NFIC: variants seen among roughly 807,000 people sequenced by gnomAD.
NFIC encodes nuclear factor 1 C-type.
In NFIC, 12 loss-of-function variants were observed where a neutral mutation model predicts 54.4. That is an observed-to-expected ratio of 0.22 (90% confidence interval 0.14 to 0.36). NFIC has a LOEUF of 0.36. Among genes scored for constraint, NFIC ranks in the 10% least tolerant of loss-of-function variants. The probability of loss-of-function intolerance (pLI) is 1.00; values close to 1 mark genes in which losing one functional copy is unlikely to be tolerated. For missense variants in NFIC, 575 were observed against 718.2 expected, an observed-to-expected ratio of 0.80 and a Z score of 2.28; for synonymous variants, 322 against 319.2, an observed-to-expected ratio of 1.01 and a Z score of -0.09.
intron 10 of NFIC, among the ~76,000 whole-genome samples, chr19:3,457,274 C>T (rs891146426): frequency 2.0e-5 from 3 of 152,176 alleles, no homozygotes; most frequent in Non-Finnish European, 4.4e-5. Context: ...CAGACGGCTG[C>T]AGCTGAGTGA....
chr19:3,439,535 G>A (rs1325441086), intron 6 of NFIC, among the ~76,000 whole-genome samples: 3 of 150,066 alleles, frequency 2.0e-5, no homozygotes, highest in Non-Finnish European at 3.0e-5. Flanking sequence ...CCAGCTACTC[G>A]GGAGGCTGAG....
At chr19:3,434,915 C>A in intron 5 of NFIC, 168 bp from the exon 6 acceptor site, 1 of 881,154 alleles carries the variant, frequency 1.1e-6, no homozygotes, top group Non-Finnish European at 1.7e-6. Context: ...CAGGTTGGAA[C>A]AGGCGTTCGT....
upstream of NFIC, among the ~76,000 whole-genome samples, chr19:3,363,267 A>T (rs200776076): frequency 0.079 from 3,583 of 45,390 alleles, 182 homozygotes; most frequent in African/African-American, 0.089. Flanking sequence ...ATATATATAT[A>T]TATTTTTTTT....
At chr19:3,451,618 G>A (rs2082463926) in intron 7 of NFIC, among the ~76,000 whole-genome samples, 1 of 143,428 alleles carries the variant, frequency 7.0e-6, no homozygotes, top group South Asian at 2.2e-4. Context: ...GTGACAAAGC[G>A]AGATTCTATC....
chr19:3,386,711 G>T (rs1235929619), intron 2 of NFIC, among the ~76,000 whole-genome samples: 1 of 152,200 alleles, frequency 6.6e-6, no homozygotes, highest in Non-Finnish European at 1.5e-5. Context: ...GGGCCAGGTG[G>T]GATTTGGACC....
rs1176263404 is a variant in NFIC at position 3,463,583 on chromosome 19, C to T, written c.*814C>T. The T allele has an allele frequency of 2.2e-5, 22 of 985,140 alleles. No individual in the cohort carries two copies. Among genetic ancestry groups the T allele is most frequent in the Non-Finnish European group, 2.5e-5 (21 of 829,854 alleles). 61.0% of individuals were successfully genotyped at this position (985,140 alleles called of 1,614,324 possible). ...GGACTCTTTCAGCCCTCGCGCCCGC[C>T]CGTTTGGGAGGAGAAGTCTCTATGC... On this transcript the variant is annotated 3_prime_UTR_variant, in exon 11 of 11. Transcript: ENST00000443272.
Position 3,369,407 on chromosome 19 carries a change from C to T in NFIC, c.30+2741C>T, listed in dbSNP as rs2080958310. Reference sequence around the variant, plus strand: ...CTCTCTGTCTCTCTCTGTCTCTGGGCCTCCCTCTCCCCCTTTTCCCAGCTA... The same window carrying T: ...CTCTCTGTCTCTCTCTGTCTCTGGGTCTCCCTCTCCCCCTTTTCCCAGCTA... On this transcript the variant is annotated intron_variant, in intron 1 of 10. Coordinates refer to ENST00000443272, the MANE Select transcript of NFIC (RefSeq NM_001245002.2). The surrounding 1 kb of genome is among the most constrained non-coding windows in gnomAD (Gnocchi z 4.3). Among the ~76,000 whole-genome samples, 1 of 151,446 alleles carries T rather than the reference C, an allele frequency of 6.6e-6. No individual in the cohort carries two copies. The highest frequency in any genetic ancestry group is 2.4e-5 in the African/African-American group (1 of 41,362).
Position 3,462,859 on chromosome 19 carries a change from A to G in NFIC, c.*90A>G. ...CCCCCGGCCCACGTTTTCGGTGGAA[A>G]ATTAGAGTGAACAAGAACACCCCTG... On this transcript the variant is annotated 3_prime_UTR_variant, in exon 11 of 11. Coordinates refer to ENST00000443272, the MANE Select transcript of NFIC (RefSeq NM_001245002.2). The G allele has an allele frequency of 6.2e-7, 1 of 1,607,300 alleles. No individual in the cohort carries two copies. Among genetic ancestry groups the G allele is most frequent in the East Asian group, 2.2e-5 (1 of 44,756 alleles).
chr19:3,442,737 G>C (rs1282594170), intron 6 of NFIC, among the ~76,000 whole-genome samples: 1 of 151,786 alleles, frequency 6.6e-6, no homozygotes, highest in Non-Finnish European at 1.5e-5. Context: ...AACGTGGCCT[G>C]GGGAGGGACA....
At chr19:3,414,183 C>A (rs1487529540) in intron 2 of NFIC, among the ~76,000 whole-genome samples, 1 of 152,140 alleles carries the variant, frequency 6.6e-6, no homozygotes, top group Non-Finnish European at 1.5e-5. Flanking sequence ...GGCCACACAG[C>A]CGGAAGCCCG....
chr19:3,439,747 G>A (rs1190270112), intron 6 of NFIC, among the ~76,000 whole-genome samples: 1 of 147,380 alleles, frequency 6.8e-6, no homozygotes, highest in Non-Finnish European at 1.5e-5. Flanking sequence ...GGAGTGCAGT[G>A]GTGTGATCTC....
At chr19:3,422,267 T>A (rs2081964235) in intron 2 of NFIC, among the ~76,000 whole-genome samples, 2 of 150,908 alleles carry the variant, frequency 1.3e-5, no homozygotes, top group Non-Finnish European at 2.9e-5. Context: ...AAAAACGGGG[T>A]CTCACTATGT....
intron 2 of NFIC, among the ~76,000 whole-genome samples, chr19:3,417,863 C>T (rs1199166566): frequency 7.4e-5 from 11 of 148,068 alleles, no homozygotes; most frequent in African/African-American, 2.7e-4. Context: ...TGGTCTCGAT[C>T]TCCTGACCTC....
Position 3,432,120 on chromosome 19 carries a change from G to A in NFIC, c.635-1398G>A, listed in dbSNP as rs538120061. On this transcript the variant is annotated intron_variant, in intron 3 of 10. Transcript: ENST00000443272. ...ATGAATCCCTCCTACAAGGGCGTCC[G>A]AGGGCAGGACAGGGCTGTCCCCAAG... 2.6e-5 allele frequency among the ~76,000 whole-genome samples: 4 copies of A among 152,250 alleles called. 1 individual carries two copies. Among genetic ancestry groups the A allele is most frequent in the African/African-American group, 7.2e-5 (3 of 41,554 alleles).
chr19:3,368,590 A>G lies in NFIC; in HGVS notation c.30+1924A>G, dbSNP rs1027363839. On this transcript the variant is annotated intron_variant, in intron 1 of 10. Transcript: ENST00000443272. ...GCCAGAGTGGGGACAGCGAGTCCCA[A>G]GTGCAGGGGGCTCCCTCCTCCCCTG... 5.3e-5 allele frequency among the ~76,000 whole-genome samples: 8 copies of G among 152,182 alleles called. 1 individual carries two copies. Among genetic ancestry groups the G allele is most frequent in the Admixed American group, 4.6e-4 (7 of 15,284 alleles).
chr19:3,449,636 T>G (rs1599714218), intron 7 of NFIC, among the ~76,000 whole-genome samples: 1 of 151,418 alleles, frequency 6.6e-6, no homozygotes, highest in South Asian at 2.1e-4. Context: ...GGCACGCACC[T>G]GTAGTCCCAG....
chr19:3,467,758 C>CATACATATATATATATATAT lies in NFIC; in HGVS notation c.*4992_*4993insCATATATATATATATATATA, dbSNP rs1176001849. On this transcript the variant is annotated 3_prime_UTR_variant, in exon 11 of 11. Transcript: ENST00000443272. ...ACCTCCAGTGTAGGGCTATACTATA[C>CATACATATATATATATATAT]ATATATATATATATATATATATATA... 1.4e-5 allele frequency: 1 copy of CATACATATATATATATATAT among 69,648 alleles called. No homozygotes were observed. The highest frequency in any genetic ancestry group is 7.7e-4 in the East Asian group (1 of 1,306). 4.3% of individuals were successfully genotyped at this position (69,648 alleles called of 1,614,324 possible).
At chr19:3,372,904 G>C (rs530602893) in intron 1 of NFIC, among the ~76,000 whole-genome samples, 2 of 151,946 alleles carry the variant, frequency 1.3e-5, no homozygotes, top group South Asian at 4.1e-4. Flanking sequence ...GAGTGCAGTA[G>C]CACAATCTGG....
intron 3 of NFIC, among the ~76,000 whole-genome samples, chr19:3,425,830 C>G (rs1031996623): frequency 8.6e-5 from 13 of 151,338 alleles, no homozygotes; most frequent in Admixed American, 2.0e-4. Context: ...TCCTAGCTCA[C>G]TGCAGCCTGG....
Sources: allele counts gnomAD v4.1 joint callset (sites outside exome capture counted in the v4.1 genomes callset), GRCh38; gene constraint gnomAD v4.1.1; non-coding constraint Gnocchi (gnomAD v3.1); transcripts MANE v1.5; gene names NCBI Gene and HGNC (gene_info 2026-07-23, HGNC 2026-07-21).